The following DHRSX variants were observed in gnomAD, a reference collection of about 807,000 sequenced individuals.
DHRSX encodes dehydrogenase/reductase X-linked.
A neutral mutation model predicts 34.0 loss-of-function variants in DHRSX; 31 were observed. That is an observed-to-expected ratio of 0.91 (90% CI 0.69 to 1.23). The LOEUF (loss-of-function observed/expected upper bound fraction) is 1.23, where lower values mean the gene tolerates loss of function less well. Among genes scored for constraint, DHRSX ranks in the 50% most tolerant of loss-of-function variants. The pLI is 0.00. For synonymous variants in DHRSX, 201 were observed against 183.8 expected, an observed-to-expected ratio of 1.09 and a Z score of -0.76; for missense variants, 414 against 428.1, an observed-to-expected ratio of 0.97 and a Z score of 0.29.
chrX:2,470,660 A>G (rs527577030), intron 1 of DHRSX, among the ~76,000 whole-genome samples: 2 of 152,298 alleles, frequency 1.3e-5, no homozygotes, highest in African/African-American at 2.4e-5. Flanking sequence ...AGAGCTATGA[A>G]CATGATGCTG....
chrX:2,455,188 C>T (rs1004590800), intron 1 of DHRSX, among the ~76,000 whole-genome samples: 1 of 151,438 alleles, frequency 6.6e-6, no homozygotes, highest in South Asian at 2.1e-4. Context: ...AGCAAACTTA[C>T]ACAGCAACAG....
intron 3 of DHRSX, among the ~76,000 whole-genome samples, chrX:2,345,169 C>G (rs996945178): frequency 3.3e-5 from 5 of 151,886 alleles, no homozygotes; most frequent in Middle Eastern, 3.4e-3. Context: ...TTCTGAGGCA[C>G]CCTTGATCCT....
Position 2,298,606 on chromosome X carries a change from A to ACACACACACG in DHRSX, c.287-7004_287-7003insCGTGTGTGTG, listed in dbSNP as rs1556457158. 1.4e-3 allele frequency among the ~76,000 whole-genome samples: 68 copies of ACACACACACG among 48,464 alleles called. 8 individuals carry two copies. Among genetic ancestry groups the ACACACACACG allele is most frequent in the African/African-American group, 3.7e-3 (66 of 17,712 alleles). The allele number at this position is 48,464 out of a possible 152,430, so 31.8% of individuals were successfully genotyped here. On this transcript the variant is annotated intron_variant, in intron 3 of 6. Transcript: ENST00000334651. ...TTCTCCTGCAGGCGCGTGTGTACAC[A>ACACACACACG]CACACACACACACACACACACACAC... is the stretch of plus-strand genomic sequence containing the variant.
intron 3 of DHRSX, among the ~76,000 whole-genome samples, chrX:2,343,007 G>A (rs371302945): frequency 1.7e-4 from 26 of 152,102 alleles, no homozygotes; most frequent in Admixed American, 5.9e-4. Flanking sequence ...ATTAAAAACC[G>A]CCTAAATCCA....
chrX:2,274,973 G>C (rs1206839860), intron 4 of DHRSX, among the ~76,000 whole-genome samples: 1 of 152,070 alleles, frequency 6.6e-6, no homozygotes, highest in Non-Finnish European at 1.5e-5. Context: ...CTGTTAGGAG[G>C]CCATTATCAT....
At chrX:2,483,188 C>T (rs1336482477) in intron 1 of DHRSX, among the ~76,000 whole-genome samples, 3 of 152,134 alleles carry the variant, frequency 2.0e-5, no homozygotes, top group Non-Finnish European at 4.4e-5. Flanking sequence ...CGGGCTCCAG[C>T]GATCCTCCCA....
intron 6 of DHRSX, among the ~76,000 whole-genome samples, chrX:2,232,042 TC>T (rs1382713452): frequency 6.7e-6 from 1 of 150,076 alleles, no homozygotes; most frequent in Non-Finnish European, 1.5e-5. Flanking sequence ...TCCTCCTTTT[TC>T]TCTTTCTATC....
intron 3 of DHRSX, among the ~76,000 whole-genome samples, chrX:2,363,089 G>T (rs867871927): frequency 2.5e-5 from 3 of 121,104 alleles, no homozygotes; most frequent in African/African-American, 7.1e-5. Flanking sequence ...TTTTATCACC[G>T]TTCTATGGTA....
intron 3 of DHRSX, among the ~76,000 whole-genome samples, chrX:2,319,825 G>A (rs946336909): frequency 9.9e-5 from 15 of 151,876 alleles, no homozygotes; most frequent in Non-Finnish European, 4.4e-5. Context: ...TCAAGGGTCA[G>A]CTGTATATAC....
intron 1 of DHRSX, among the ~76,000 whole-genome samples, chrX:2,468,623 C>T (rs1451112954): frequency 3.3e-5 from 5 of 151,420 alleles, no homozygotes; most frequent in East Asian, 2.0e-4. Context: ...AAGGGACCGC[C>T]GCCATGTACA....
At chrX:2,499,007 A>C (rs1365517376) in intron 1 of DHRSX, among the ~76,000 whole-genome samples, 2 of 152,210 alleles carry the variant, frequency 1.3e-5, no homozygotes, top group Non-Finnish European at 2.9e-5. Context: ...GAAAAAGAAA[A>C]GCTTAGCTCA....
At chrX:2,377,965 C>G (rs2043161346) in intron 3 of DHRSX, among the ~76,000 whole-genome samples, 1 of 152,208 alleles carries the variant, frequency 6.6e-6, no homozygotes, top group South Asian at 2.1e-4. Flanking sequence ...GCCTCGATCT[C>G]TTGACCTCGT....
chrX:2,265,039 T>C (rs1266481173), intron 5 of DHRSX, among the ~76,000 whole-genome samples: 942 of 74,944 alleles, frequency 0.013, no homozygotes, highest in Middle Eastern at 0.037. Flanking sequence ...AGCACCAGTG[T>C]CCAGCAGACA....
chrX:2,470,229 A>C (rs1414477295), intron 1 of DHRSX, among the ~76,000 whole-genome samples: 5 of 151,218 alleles, frequency 3.3e-5, no homozygotes, highest in Admixed American at 1.3e-4. Context: ...GGTGGTTGCC[A>C]GGGAAGAATG....
intron 4 of DHRSX, among the ~76,000 whole-genome samples, chrX:2,284,188 TTC>T (rs1158241222): frequency 1.6e-5 from 1 of 61,626 alleles, no homozygotes; most frequent in African/African-American, 4.0e-5. Flanking sequence ...ATACATTCCT[TTC>T]AATTCATTTA....
At chrX:2,417,117 A>G (rs917040594) in intron 2 of DHRSX, among the ~76,000 whole-genome samples, 30 of 152,210 alleles carry the variant, frequency 2.0e-4, no homozygotes, top group Admixed American at 2.0e-4. Context: ...CACTGACATC[A>G]GGAGCTCTGT....
chrX:2,260,456 CTTCAT>C (rs1174352858), intron 5 of DHRSX, among the ~76,000 whole-genome samples: 2 of 140,954 alleles, frequency 1.4e-5, no homozygotes, highest in African/African-American at 6.4e-5. Context: ...AAATTTTCTA[CTTCAT>C]TTTTTTTTTT....
intron 4 of DHRSX, among the ~76,000 whole-genome samples, chrX:2,282,588 GA>G (rs2041722866): frequency 1.4e-5 from 2 of 142,596 alleles, no homozygotes; most frequent in Middle Eastern, 4.0e-3. Context: ...GGGAGAGAGA[GA>G]AGAAAGAGGG....
chrX:2,226,502 CT>C (rs1188968586), intron 6 of DHRSX, among the ~76,000 whole-genome samples: 1 of 152,098 alleles, frequency 6.6e-6, no homozygotes, highest in African/African-American at 2.4e-5. Context: ...CCTTTGTGAT[CT>C]TTTTCCCCAA....
Sources: gnomAD v4.1 joint callset for allele counts (sites outside exome capture counted in the v4.1 genomes callset) on GRCh38, gnomAD v4.1.1 for gene constraint, MANE v1.5 for transcripts, NCBI Gene and HGNC (gene_info 2026-07-23, HGNC 2026-07-21) for gene names.